PCCA: variants seen among roughly 807,000 people sequenced by gnomAD.
PCCA encodes propionyl-CoA carboxylase alpha chain, mitochondrial.
In PCCA, 74 loss-of-function variants were observed where a neutral mutation model predicts 101.3. The ratio of observed to expected loss-of-function variants is 0.73; its 90% CI spans 0.61 to 0.89. The LOEUF (loss-of-function observed/expected upper bound fraction) is 0.89. PCCA is among the 40% of genes least tolerant of loss of function. The probability of loss-of-function intolerance (pLI) is 0.00; values close to 1 mark genes in which losing one functional copy is unlikely to be tolerated. For missense variants in PCCA, 891 were observed against 907.0 expected (o/e 0.98, Z 0.23); for synonymous variants, 294 against 313.6 (o/e 0.94, Z 0.66).
chr13:100,494,866 A>G (rs1441367637), intron 21 of PCCA, among the ~76,000 whole-genome samples: 1 of 151,688 alleles, frequency 6.6e-6, no homozygotes, highest in East Asian at 1.9e-4. Flanking sequence ...CATTTCCTAT[A>G]CCCCTATTTG....
chr13:100,288,803 TC>T (rs2064900408), intron 12 of PCCA, among the ~76,000 whole-genome samples: 1 of 152,152 alleles, frequency 6.6e-6, no homozygotes, highest in Admixed American at 6.5e-5. Flanking sequence ...TTCTTTTCTT[TC>T]CCTTCCTCCT....
At chr13:100,110,196 A>G (rs1282567193) in intron 2 of PCCA, among the ~76,000 whole-genome samples, 1 of 152,208 alleles carries the variant, frequency 6.6e-6, no homozygotes, top group Admixed American at 6.5e-5. Context: ...AAGGTCATTT[A>G]TAACTCTAAC....
intron 19 of PCCA, among the ~76,000 whole-genome samples, chr13:100,369,721 A>G (rs2075442039): frequency 6.6e-6 from 1 of 152,208 alleles, no homozygotes; most frequent in Non-Finnish European, 1.5e-5. Flanking sequence ...AATGAAAGCT[A>G]TGATGGAGTT....
intron 1 of PCCA, among the ~76,000 whole-genome samples, chr13:100,091,925 CT>C (rs1193538555): frequency 6.6e-6 from 1 of 151,770 alleles, no homozygotes; most frequent in East Asian, 1.9e-4. Context: ...TTTTTCTTTG[CT>C]TTTCTTTTTT....
chr13:100,379,994 T>C (rs1390126731), intron 19 of PCCA, among the ~76,000 whole-genome samples: 8 of 151,958 alleles, frequency 5.3e-5, no homozygotes, highest in African/African-American at 1.7e-4. Context: ...TTGGAAAATA[T>C]GGAAACTTAA....
chr13:100,222,517 T>C (rs188616298), intron 7 of PCCA, among the ~76,000 whole-genome samples: 5 of 152,366 alleles, frequency 3.3e-5, no homozygotes, highest in Non-Finnish European at 7.3e-5. Context: ...AGCTACACCA[T>C]TCACATTTAC....
At chr13:100,130,252 T>C (rs1260451231) in intron 4 of PCCA, among the ~76,000 whole-genome samples, 1 of 152,228 alleles carries the variant, frequency 6.6e-6, no homozygotes, top group African/African-American at 2.4e-5. Context: ...CCACTTGGGA[T>C]TGCTTCCTTT....
At chr13:100,189,726 T>C (rs946094209) in intron 6 of PCCA, among the ~76,000 whole-genome samples, 12 of 152,218 alleles carry the variant, frequency 7.9e-5, no homozygotes, top group African/African-American at 2.9e-4. Context: ...CCCAGGCTGC[T>C]CTTGAACTCC....
chr13:100,304,552 G>C (rs1345191512), intron 14 of PCCA, among the ~76,000 whole-genome samples: 1 of 152,182 alleles, frequency 6.6e-6, no homozygotes, highest in Non-Finnish European at 1.5e-5. Flanking sequence ...TGGCGGGCTG[G>C]GAGTTGTGCT....
chr13:100,260,768 T>G (rs539182920), intron 9 of PCCA, among the ~76,000 whole-genome samples: 6 of 152,016 alleles, frequency 3.9e-5, no homozygotes, highest in Non-Finnish European at 5.9e-5. Context: ...GTTGTAATAA[T>G]TAAAACGCAT....
At chr13:100,275,635 A>G (rs1019452307) in intron 12 of PCCA, among the ~76,000 whole-genome samples, 1 of 152,132 alleles carries the variant, frequency 6.6e-6, no homozygotes, top group African/African-American at 2.4e-5. Flanking sequence ...TTAAATTTCT[A>G]ATTTTTAAAA....
chr13:100,305,930 A>C (rs1025543665), intron 14 of PCCA: 1 of 330,452 alleles, frequency 3.0e-6, no homozygotes, highest in African/African-American at 2.2e-5. Context: ...GTGCTTGCAA[A>C]TACAGAAATA....
intron 19 of PCCA, among the ~76,000 whole-genome samples, chr13:100,424,181 A>G (rs79849429): frequency 0.097 from 14,798 of 152,266 alleles, 778 homozygotes; most frequent in South Asian, 0.15. Context: ...ATTATAATTC[A>G]AAGGTATTAT....
At chr13:100,353,356 A>G (rs1053986123) in intron 18 of PCCA, among the ~76,000 whole-genome samples, 2 of 152,204 alleles carry the variant, frequency 1.3e-5, no homozygotes, top group Non-Finnish European at 2.9e-5. Context: ...TCCAGGCTAG[A>G]CCATATTTAC....
At chr13:100,322,677 C>A (rs183298626) in intron 16 of PCCA, among the ~76,000 whole-genome samples, 1 of 151,790 alleles carries the variant, frequency 6.6e-6, no homozygotes, top group Admixed American at 6.6e-5. Flanking sequence ...CTCAAGTGAT[C>A]TTCCTGCCTC....
intron 16 of PCCA, among the ~76,000 whole-genome samples, chr13:100,322,224 A>G (rs1313873045): frequency 6.6e-6 from 1 of 152,162 alleles, no homozygotes; most frequent in Non-Finnish European, 1.5e-5. Flanking sequence ...CAGGAAACCC[A>G]CAGTAAGACG....
At chr13:100,490,287 A>G (rs943498410) in intron 21 of PCCA, 9 of 152,228 alleles carry the variant, frequency 5.9e-5, no homozygotes, top group African/African-American at 1.9e-4. Context: ...TTGGTATATT[A>G]CTGTACTCCA....
intron 16 of PCCA, among the ~76,000 whole-genome samples, chr13:100,315,792 C>A (rs1308885609): frequency 6.6e-6 from 1 of 152,094 alleles, no homozygotes; most frequent in East Asian, 1.9e-4. Flanking sequence ...CAGAGGTCAT[C>A]CTTGACTCCC....
intron 19 of PCCA, among the ~76,000 whole-genome samples, chr13:100,410,547 G>A (rs1391595659): frequency 6.6e-6 from 1 of 152,176 alleles, no homozygotes; most frequent in Non-Finnish European, 1.5e-5. Context: ...AGCCTGCCAG[G>A]AAAATTGTAA....
Sources: allele counts gnomAD v4.1 joint callset (sites outside exome capture counted in the v4.1 genomes callset), GRCh38; gene constraint gnomAD v4.1.1; transcripts MANE v1.5; gene names NCBI Gene and HGNC (gene_info 2026-07-23, HGNC 2026-07-21).